CLHC1: variants seen among roughly 807,000 people sequenced by gnomAD.
CLHC1 encodes clathrin heavy chain linker domain containing 1.
Under a neutral mutation model 69.5 loss-of-function variants are expected in CLHC1, and 72 were observed. The observed-to-expected ratio is 1.04, with a 90% CI of 0.86 to 1.26. The LOEUF (loss-of-function observed/expected upper bound fraction) is 1.26. Ranked by LOEUF, CLHC1 falls within the 50% of genes most tolerant of loss-of-function variation. CLHC1 has a pLI of 0.00. For missense variants in CLHC1, 790 were observed against 679.3 expected (o/e 1.16, Z -1.81); for synonymous variants, 223 against 224.3 (o/e 0.99, Z 0.05).
intron 11 of CLHC1, 128 bp from the exon 12 acceptor site, chr2:55,177,909 C>A: frequency 5.0e-6 from 3 of 601,048 alleles, no homozygotes; most frequent in South Asian, 5.7e-5. Context: ...CCTCAATGAC[C>A]CACTCCAACC....
chr2:55,226,099 G>A (rs1674670711), intron 2 of CLHC1, among the ~76,000 whole-genome samples: 1 of 151,702 alleles, frequency 6.6e-6, no homozygotes, highest in African/African-American at 2.4e-5. Flanking sequence ...GGCTGAGGCA[G>A]GAGAGTGGCG....
Position 55,209,615 on chromosome 2 carries a change from A to G in CLHC1, c.701+15T>C, listed in dbSNP as rs182347707. ...AAAACTCCAAACTTTAAAAACATAT[A>G]ATCAACTTCCATACCAAAACTGCAA... is the stretch of plus-strand genomic sequence containing the variant. On this transcript the variant is annotated intron_variant, in intron 6 of 12. Transcript: ENST00000401408. 6.2e-7 allele frequency: 1 copy of G among 1,609,932 alleles called. No homozygotes were observed. The highest frequency in any genetic ancestry group is 1.3e-5 in the African/African-American group (1 of 74,872).
chr2:55,229,740 C>A (rs1221572359), intron 1 of CLHC1, among the ~76,000 whole-genome samples: 2 of 152,162 alleles, frequency 1.3e-5, no homozygotes, highest in Non-Finnish European at 2.9e-5. Flanking sequence ...CTTTAGAGGC[C>A]TGTGTGCAGA....
chr2:55,191,687 C>T (rs369787441), intron 9 of CLHC1, among the ~76,000 whole-genome samples: 182 of 151,930 alleles, frequency 1.2e-3, no homozygotes, highest in African/African-American at 4.2e-3. Context: ...ATCTATAAAA[C>T]CTACAGCACA....
chr2:55,196,712 G>A (rs1169598474), intron 9 of CLHC1, among the ~76,000 whole-genome samples: 1 of 152,176 alleles, frequency 6.6e-6, no homozygotes, highest in Non-Finnish European at 1.5e-5. Flanking sequence ...TACATGCTGT[G>A]GGTCTTGGGT....
rs1197122500 is a variant in CLHC1, at chr2:55,180,649, G to C, written c.1245C>G (p.Asn415Lys). 6.2e-7 allele frequency: 1 copy of C among 1,614,020 alleles called. No homozygotes were observed. Among genetic ancestry groups the C allele is most frequent in the Non-Finnish European group, 8.5e-7 (1 of 1,179,930 alleles). ...ICDYGEQDTYNKAKCLALAQI... is the reference protein window; with the variant it reads ...ICDYGEQDTYKKAKCLALAQI... Reference sequence around the variant, plus strand: ...GAGCTAAAGCCAGGCACTTGGCCTTGTTATAAGTATCCTGCTCCCCATAAT... The same window carrying C: ...GAGCTAAAGCCAGGCACTTGGCCTTCTTATAAGTATCCTGCTCCCCATAAT... Residue 415 changes from asparagine (N) to lysine (K), a missense_variant, in exon 11 of 13, where the codon AAC becomes AAG. Transcript: ENST00000401408.
At chr2:55,179,111 A>G (rs1457880547) in intron 11 of CLHC1, among the ~76,000 whole-genome samples, 1 of 152,054 alleles carries the variant, frequency 6.6e-6, no homozygotes, top group Non-Finnish European at 1.5e-5. Context: ...AGTAATTAAA[A>G]TCTATATCCC....
At chr2:55,208,966 G>A (rs111829215) in intron 7 of CLHC1, among the ~76,000 whole-genome samples, 74 of 148,186 alleles carry the variant, frequency 5.0e-4, no homozygotes, top group African/African-American at 1.7e-3. Flanking sequence ...CGCCTCCCGG[G>A]TTCACACCAT....
At chr2:55,195,186 T>C (rs1470617951) in intron 9 of CLHC1, among the ~76,000 whole-genome samples, 1 of 152,198 alleles carries the variant, frequency 6.6e-6, no homozygotes, top group Non-Finnish European at 1.5e-5. Context: ...CATTTCCCTA[T>C]TTCCCCCACC....
At chr2:55,225,608 T>C (rs902630627) in intron 2 of CLHC1, 1 of 152,516 alleles carries the variant, frequency 6.6e-6, no homozygotes, top group Admixed American at 6.5e-5. Context: ...TGCTGTGGGC[T>C]TCCTGCCCTC....
chr2:55,222,465 C>CAAGA lies in CLHC1; in HGVS notation c.-55_-54insTCTT, dbSNP rs1674228470. ...AAGAACAGCTAAATCTTGACCTGCT[C>CAAGA]TTGCAACAAAGCCAAAACTTTGATA... On this transcript the variant is annotated 5_prime_UTR_variant, in exon 3 of 13. Coordinates refer to ENST00000401408, the MANE Select transcript of CLHC1 (RefSeq NM_152385.4). The CAAGA allele has an allele frequency of 7.1e-7, 1 of 1,414,682 alleles. No homozygotes were observed. Among genetic ancestry groups the CAAGA allele is most frequent in the Admixed American group, 2.3e-5 (1 of 42,996 alleles). The allele number at this position is 1,414,682 out of a possible 1,614,324, so 87.6% of individuals were successfully genotyped here.
At chr2:55,186,425 A>T (rs528383470) in intron 9 of CLHC1, among the ~76,000 whole-genome samples, 2 of 152,322 alleles carry the variant, frequency 1.3e-5, no homozygotes, top group South Asian at 4.1e-4. Context: ...TATACTTCAG[A>T]ACTACAAACA....
intron 10 of CLHC1, 106 bp downstream of exon 10, chr2:55,181,464 G>T: frequency 1.1e-6 from 1 of 891,142 alleles, no homozygotes; most frequent in Non-Finnish European, 1.7e-6. Flanking sequence ...ATAGGGACCT[G>T]AAGTAAATGT....
rs1359536892 is a variant in CLHC1 at position 55,224,335 on chromosome 2, G to A, written c.-82-1842C>T. The A allele has an allele frequency of 8.7e-6, 4 of 458,292 alleles. 1 individual carries two copies. The highest frequency in any genetic ancestry group is 4.9e-5 in the South Asian group (3 of 61,062). The allele number at this position is 458,292 out of a possible 1,614,324, so 28.4% of individuals were successfully genotyped here. A position where few individuals can be genotyped will look rare whatever the true frequency, so the allele number is the denominator to read the frequency against. On this transcript the variant is annotated intron_variant, in intron 2 of 12. Transcript: ENST00000401408. ...GGGAGTGTTTGAGTGTGAACTCCAC[G>A]CCTTGACAGCTCCCTCCTGCTACTT...
Position 55,175,741 on chromosome 2 carries a change from G to T in CLHC1, c.*49C>A. 1 of 1,340,176 alleles carries T rather than the reference G, an allele frequency of 7.5e-7. No individual in the cohort carries two copies. The highest frequency in any genetic ancestry group is 1.0e-6 in the Non-Finnish European group (1 of 958,052). 83.0% of individuals were successfully genotyped at this position (1,340,176 alleles called of 1,614,324 possible). ...CGTTAAAATCAGTTTTTCCCAACCAGCATACATAAGGTGTTGTACAAGCTC... is the reference window on the plus strand; with the variant it reads ...CGTTAAAATCAGTTTTTCCCAACCATCATACATAAGGTGTTGTACAAGCTC... On this transcript the variant is annotated 3_prime_UTR_variant, in exon 13 of 13. Transcript: ENST00000401408.
chr2:55,180,152 C>CAA lies in CLHC1; in HGVS notation c.1384+356_1384+357dup, dbSNP rs112375124. Reference sequence around the variant, plus strand: ...CTGGCAACAGAGTGAGACTCCATCTCAAAAAAAAATATATATATATATATC... The same window carrying CAA: ...CTGGCAACAGAGTGAGACTCCATCTCAAAAAAAAAAATATATATATATATATC... On this transcript the variant is annotated intron_variant, in intron 11 of 12. Coordinates refer to ENST00000401408, the MANE Select transcript of CLHC1 (RefSeq NM_152385.4). Among the ~76,000 whole-genome samples, 407 of 145,474 alleles carry CAA rather than the reference C, an allele frequency of 2.8e-3. 2 individuals carry two copies. Among genetic ancestry groups the CAA allele is most frequent in the African/African-American group, 9.4e-3 (374 of 39,684 alleles).
intron 4 of CLHC1, chr2:55,216,127 A>T (rs1443307248): frequency 6.6e-6 from 1 of 151,038 alleles, no homozygotes; most frequent in East Asian, 1.9e-4. Flanking sequence ...AAAAAAAAAA[A>T]AAAAAAAAAT....
At chr2:55,186,399 T>A (rs1670415683) in intron 9 of CLHC1, among the ~76,000 whole-genome samples, 1 of 152,136 alleles carries the variant, frequency 6.6e-6, no homozygotes, top group African/African-American at 2.4e-5. Flanking sequence ...GGATACCCAA[T>A]AATCTGGAGA....
chr2:55,195,672 G>A (rs1001520583), intron 9 of CLHC1, among the ~76,000 whole-genome samples: 4 of 152,012 alleles, frequency 2.6e-5, no homozygotes, highest in African/African-American at 7.2e-5. Flanking sequence ...CATGGTGGCA[G>A]GCACCTGTAA....
Sources: gnomAD v4.1 joint callset for allele counts (sites outside exome capture counted in the v4.1 genomes callset) on GRCh38, gnomAD v4.1.1 for gene constraint, MANE v1.5 for transcripts, NCBI Gene and HGNC (gene_info 2026-07-23, HGNC 2026-07-21) for gene names.